The following ZNF385D variants were observed in gnomAD, a reference collection of about 807,000 sequenced individuals.
The protein encoded by ZNF385D is zinc finger protein 385D.
ZNF385D carries 15 observed loss-of-function variants against 35.8 expected under a neutral mutation model. The ratio of observed to expected loss-of-function variants is 0.42; its 90% CI spans 0.28 to 0.64. ZNF385D has a LOEUF of 0.64. Ranked by LOEUF, ZNF385D falls within the 30% of genes least tolerant of loss-of-function variation. ZNF385D has a pLI of 0.23. For missense variants in ZNF385D, 474 were observed against 494.6 expected (o/e 0.96, Z 0.39); for synonymous variants, 212 against 186.8 (o/e 1.13, Z -1.10).
At chr3:22,082,066 T>C (rs1700781152) in intron 3 of ZNF385D, among the ~76,000 whole-genome samples, 2 of 151,480 alleles carry the variant, frequency 1.3e-5, no homozygotes, top group African/African-American at 4.8e-5. Context: ...AACTGCAGTG[T>C]TAAGAATTTT....
At chr3:22,040,776 G>C (rs1258097448) in intron 3 of ZNF385D, among the ~76,000 whole-genome samples, 5 of 152,064 alleles carry the variant, frequency 3.3e-5, no homozygotes, top group African/African-American at 4.8e-5. Context: ...GATAGAATCA[G>C]AATTTCAAAT....
chr3:22,292,473 C>T (rs1453162917), intron 2 of ZNF385D, among the ~76,000 whole-genome samples: 1 of 151,984 alleles, frequency 6.6e-6, no homozygotes, highest in Non-Finnish European at 1.5e-5. Context: ...GTTCTTTTTA[C>T]AGGGGATAGT....
At chr3:21,826,341 A>G (rs952368028) in intron 3 of ZNF385D, among the ~76,000 whole-genome samples, 1 of 152,170 alleles carries the variant, frequency 6.6e-6, no homozygotes, top group Non-Finnish European at 1.5e-5. Flanking sequence ...GCTGCATAGA[A>G]TATTACTTAC....
intron 3 of ZNF385D, among the ~76,000 whole-genome samples, chr3:21,767,823 T>C (rs2070898519): frequency 6.6e-6 from 1 of 152,118 alleles, no homozygotes; most frequent in African/African-American, 2.4e-5. Context: ...AACGCTTTAG[T>C]AATTAAAGAA....
intron 3 of ZNF385D, among the ~76,000 whole-genome samples, chr3:21,834,203 C>G (rs1695182423): frequency 6.6e-6 from 1 of 152,102 alleles, no homozygotes; most frequent in South Asian, 2.1e-4. Context: ...CCTTCTCCTT[C>G]TTTTCTGAAG....
chr3:21,971,108 T>C (rs1050853074), intron 3 of ZNF385D, among the ~76,000 whole-genome samples: 5 of 151,914 alleles, frequency 3.3e-5, no homozygotes, highest in African/African-American at 9.7e-5. Context: ...TAATGAGTAA[T>C]AGGAAATCAT....
intron 3 of ZNF385D, among the ~76,000 whole-genome samples, chr3:22,143,250 T>A (rs1481925448): frequency 6.6e-6 from 1 of 151,996 alleles, no homozygotes; most frequent in Non-Finnish European, 1.5e-5. Flanking sequence ...GCCTGGCTAA[T>A]TTTTTTGTTT....
chr3:21,913,632 T>G (rs1178622488), intron 3 of ZNF385D, among the ~76,000 whole-genome samples: 1 of 152,118 alleles, frequency 6.6e-6, no homozygotes, highest in African/African-American at 2.4e-5. Context: ...AAAATGTAAA[T>G]CAAAAGATGC....
chr3:21,584,960 T>G (rs2063768981), intron 2 of ZNF385D, among the ~76,000 whole-genome samples: 1 of 152,232 alleles, frequency 6.6e-6, no homozygotes, highest in Non-Finnish European at 1.5e-5. Context: ...CTATATTTCC[T>G]TTTTGTATCT....
chr3:21,601,352 T>G (rs2064284435), intron 2 of ZNF385D, among the ~76,000 whole-genome samples: 1 of 152,194 alleles, frequency 6.6e-6, no homozygotes, highest in South Asian at 2.1e-4. Flanking sequence ...AAACTCCAGC[T>G]AATGAGGCCA....
intron 3 of ZNF385D, among the ~76,000 whole-genome samples, chr3:21,907,219 A>C (rs1030577540): frequency 5.3e-5 from 8 of 152,200 alleles, no homozygotes; most frequent in Non-Finnish European, 1.2e-4. Context: ...CTTTATTAAA[A>C]ATTTAAAAAA....
At chr3:22,193,780 G>C (rs1696221004) in intron 2 of ZNF385D, among the ~76,000 whole-genome samples, 2 of 151,866 alleles carry the variant, frequency 1.3e-5, no homozygotes, top group Admixed American at 1.3e-4. Flanking sequence ...GGAAATTCTA[G>C]GGTAAATACC....
chr3:21,754,145 A>G (rs1030117580), upstream of ZNF385D, among the ~76,000 whole-genome samples: 11 of 152,234 alleles, frequency 7.2e-5, no homozygotes, highest in African/African-American at 2.7e-4. Context: ...ATGGTAGTAC[A>G]CACATTTCTT....
chr3:22,363,780 G>A (rs888705144), intron 2 of ZNF385D, among the ~76,000 whole-genome samples: 9 of 152,064 alleles, frequency 5.9e-5, no homozygotes, highest in African/African-American at 2.2e-4. Flanking sequence ...TACCATGAGT[G>A]TCTCAATGCT....
At chr3:21,894,307 A>G (rs555596191) in intron 3 of ZNF385D, among the ~76,000 whole-genome samples, 2 of 152,294 alleles carry the variant, frequency 1.3e-5, no homozygotes, top group South Asian at 4.1e-4. Flanking sequence ...ATACTTAGTC[A>G]ATTCATGTAA....
At chr3:21,775,952 T>C (rs1447637293) in intron 3 of ZNF385D, among the ~76,000 whole-genome samples, 1 of 151,780 alleles carries the variant, frequency 6.6e-6, no homozygotes, top group Non-Finnish European at 1.5e-5. Context: ...CAAATACTGC[T>C]AATAGTATTT....
intron 1 of ZNF385D, among the ~76,000 whole-genome samples, chr3:21,702,414 G>T (rs553081352): frequency 6.6e-6 from 1 of 152,168 alleles, no homozygotes; most frequent in Non-Finnish European, 1.5e-5. Flanking sequence ...CCCTGGGCCC[G>T]GCCCATGAAA....
chr3:21,870,354 A>C (rs529714631), intron 3 of ZNF385D, among the ~76,000 whole-genome samples: 6 of 152,316 alleles, frequency 3.9e-5, no homozygotes, highest in Admixed American at 3.9e-4. Context: ...GGTAAAGGGC[A>C]GGCCCTAGCT....
intron 3 of ZNF385D, among the ~76,000 whole-genome samples, chr3:22,014,629 A>G (rs569419018): frequency 2.0e-5 from 3 of 152,274 alleles, no homozygotes; most frequent in Admixed American, 2.0e-4. Flanking sequence ...AATTACCACC[A>G]TGAAAATTTT....
Sources: gnomAD v4.1 joint callset for allele counts (sites outside exome capture counted in the v4.1 genomes callset) on GRCh38, gnomAD v4.1.1 for gene constraint, MANE v1.5 for transcripts, NCBI Gene and HGNC (gene_info 2026-07-23, HGNC 2026-07-21) for gene names.